The following C6orf120 variants were observed in gnomAD, a reference collection of about 807,000 sequenced individuals.
C6orf120 encodes the protein chromosome 6 open reading frame 120.
For synonymous variants in C6orf120, 165 were observed against 123.1 expected (o/e 1.34, Z -2.25); for missense variants, 311 against 264.2 (o/e 1.18, Z -1.23).
At chr6:169,702,808 G>C (rs769426531) in exon 1 of C6orf120, 5 of 1,612,742 alleles carry the variant, frequency 3.1e-6, no homozygotes, top group Admixed American at 1.7e-5. Flanking sequence ...AGTGGGCATC[G>C]GCGTCTATGG....
At chr6:169,703,705 T>G in exon 1 of C6orf120, 2 of 383,308 alleles carry the variant, frequency 5.2e-6, no homozygotes. Context: ...ACAATGTAGA[T>G]TAGGAAGTTT....
At chr6:169,705,748 A>C (rs1414042889), downstream of C6orf120, 1 of 1,106,824 alleles carries the variant, frequency 9.0e-7, no homozygotes, top group Non-Finnish European at 1.4e-6. Flanking sequence ...AGAGGGCTAT[A>C]AATTCATGCC....
chr6:169,703,834 C>T (rs577149164), exon 1 of C6orf120: 1 of 578,510 alleles, frequency 1.7e-6, no homozygotes, highest in Non-Finnish European at 3.0e-6. Flanking sequence ...AAGATGAATT[C>T]TCTACCTGGA....
At chr6:169,705,443 AAATG>A, downstream of C6orf120, 2 of 742,090 alleles carry the variant, frequency 2.7e-6, no homozygotes, top group South Asian at 3.7e-5. Context: ...CGCCAAAGAG[AAATG>A]AATATACAAT....
exon 1 of C6orf120, chr6:169,702,404 C>T: frequency 3.6e-6 from 4 of 1,115,550 alleles, no homozygotes; most frequent in South Asian, 3.0e-5. Flanking sequence ...CTGAGCGCCT[C>T]CGGTGTCCCC....
chr6:169,702,734 A>G (rs1271635737), exon 1 of C6orf120: 4 of 1,613,378 alleles, frequency 2.5e-6, no homozygotes, highest in Non-Finnish European at 3.4e-6. Context: ...TTCGACGACT[A>G]CGAGCTGCAA....
exon 1 of C6orf120, chr6:169,703,868 C>T: frequency 1.5e-6 from 1 of 666,812 alleles, no homozygotes; most frequent in South Asian, 2.0e-5. Flanking sequence ...GTAAGCGTAG[C>T]TTTTAACAGA....
At chr6:169,704,865 GTATT>G (rs1208035038), downstream of C6orf120, 2 of 333,758 alleles carry the variant, frequency 6.0e-6, no homozygotes, top group Non-Finnish European at 1.1e-5. Flanking sequence ...TGTTACTTTA[GTATT>G]TCAGTAGAAA....
At chr6:169,702,203 C>T (rs1181263366) in exon 1 of C6orf120, 3 of 678,600 alleles carry the variant, frequency 4.4e-6, no homozygotes, top group Admixed American at 2.0e-5. Context: ...GGTGGTGAGT[C>T]CGAGGGTGCC....
At chr6:169,704,680 CTG>C (rs1256334962) in exon 1 of C6orf120, 1 of 169,730 alleles carries the variant, frequency 5.9e-6, no homozygotes, top group Non-Finnish European at 1.4e-5. Context: ...ACACAATTAT[CTG>C]TGTAATGTTT....
downstream of C6orf120, among the ~76,000 whole-genome samples, chr6:169,706,072 C>T (rs1788775508): frequency 6.6e-6 from 1 of 151,962 alleles, no homozygotes; most frequent in African/African-American, 2.4e-5. Flanking sequence ...TAGCAAATGA[C>T]CATTATGTGT....
chr6:169,702,989 C>G (rs2128327227), exon 1 of C6orf120: 3 of 1,587,200 alleles, frequency 1.9e-6, no homozygotes, highest in Non-Finnish European at 2.6e-6. Context: ...GTTCTCTGGA[C>G]GATATTAATT....
downstream of C6orf120, chr6:169,705,261 C>T: frequency 6.2e-7 from 1 of 1,613,450 alleles, no homozygotes; most frequent in Non-Finnish European, 8.5e-7. Flanking sequence ...CATACACTGC[C>T]ATGGGTAGGT....
exon 1 of C6orf120, chr6:169,702,667 C>T (rs1788416842): frequency 6.2e-7 from 1 of 1,613,332 alleles, no homozygotes. Context: ...CCTCAGGATG[C>T]GCAGCCTCAA....
At chr6:169,702,455 C>T (rs780413236) in exon 1 of C6orf120, 3 of 1,524,172 alleles carry the variant, frequency 2.0e-6, no homozygotes, top group East Asian at 4.9e-5. Context: ...GCTGAGCCGC[C>T]AGCCATGGCC....
chr6:169,704,951 T>C (rs919723992), downstream of C6orf120: 3 of 431,874 alleles, frequency 6.9e-6, no homozygotes, highest in Non-Finnish European at 1.3e-5. Flanking sequence ...ACTTATCCTT[T>C]AGTTGGAATT....
chr6:169,705,426 G>A (rs1009366687), downstream of C6orf120: 10 of 807,182 alleles, frequency 1.2e-5, no homozygotes, highest in Non-Finnish European at 1.8e-5. Flanking sequence ...TGGCTATAAT[G>A]TCAAATCGCC....
At chr6:169,702,222 C>G (rs373935520) in exon 1 of C6orf120, 1 of 662,504 alleles carries the variant, frequency 1.5e-6, no homozygotes, top group South Asian at 1.6e-5. Flanking sequence ...CCACAGCGGC[C>G]CTGCCCCTGC....
At chr6:169,703,899 T>A (rs1788637539) in exon 1 of C6orf120, 10 of 852,670 alleles carry the variant, frequency 1.2e-5, no homozygotes, top group Non-Finnish European at 1.8e-5. Flanking sequence ...GATTTTAAGC[T>A]CATAATTTGC....
Sources: allele counts gnomAD v4.1 joint callset (sites outside exome capture counted in the v4.1 genomes callset), GRCh38; gene constraint gnomAD v4.1.1; transcripts MANE v1.5; gene names NCBI Gene and HGNC (gene_info 2026-07-23, HGNC 2026-07-21).